NLRP2: variants seen among roughly 807,000 people sequenced by gnomAD.
NLRP2 encodes the protein NACHT, LRR and PYD domains-containing protein 2.
A neutral mutation model predicts 97.2 loss-of-function variants in NLRP2; 107 were observed. That is an observed-to-expected ratio of 1.10 (90% CI 0.94 to 1.29). The LOEUF is 1.29. NLRP2 is among the 50% of genes most tolerant of loss of function. NLRP2 has a pLI of 0.00. For synonymous variants in NLRP2, 663 were observed against 551.5 expected (o/e 1.20, Z -2.83); for missense variants, 1,495 against 1,330.3 (o/e 1.12, Z -1.93).
At chr19:54,967,073 C>T (rs1801316181) in intron 1 of NLRP2, among the ~76,000 whole-genome samples, 1 of 151,128 alleles carries the variant, frequency 6.6e-6, no homozygotes, top group Non-Finnish European at 1.5e-5. Flanking sequence ...TAATATGTTG[C>T]CGAAGCTGGT....
intron 11 of NLRP2, among the ~76,000 whole-genome samples, chr19:54,995,885 T>C (rs901594706): frequency 6.6e-6 from 1 of 151,598 alleles, no homozygotes; most frequent in Admixed American, 6.6e-5. Context: ...CTACTGAAAG[T>C]ACAAAAATCC....
In NLRP2 at chr19:54,970,144, C is replaced by G. The variant is rs1465138030; in HGVS notation, c.129C>G (p.Pro43=). 6.2e-7 allele frequency: 1 copy of G among 1,614,078 alleles called. No homozygotes were observed. Among genetic ancestry groups the G allele is most frequent in the Admixed American group, 1.7e-5 (1 of 59,978 alleles). The change falls in exon 2 of 13, where the codon CCC becomes CCG. Residue 43 remains proline, a synonymous_variant. Transcript: ENST00000448584. ...FSLAHELQKI[P]HKEVDKADGK... is the part of the protein sequence containing the mutation. ...TGGCACACGAGCTCCAGAAGATCCC[C>G]CACAAGGAGGTAGACAAGGCTGATG...
At position 54,986,178 on chromosome 19, in the gene NLRP2, TCATC is replaced by T; in HGVS notation, c.2230_2233del (p.His744GlyfsTer5). On this transcript the variant is annotated frameshift_variant, in exon 8 of 13. Coordinates refer to ENST00000448584, the MANE Select transcript of NLRP2 (RefSeq NM_017852.5). LOFTEE classifies it high-confidence loss of function. ...TCAAAAACATTTCCCCAGCTGATGC[TCATC>T]GGAACCTCTGCCTAGCTCTTCGAGG... 6.2e-7 allele frequency: 1 copy of T among 1,613,744 alleles called. No individual in the cohort carries two copies.
At chr19:54,986,969 C>G (rs1351580317) in intron 8 of NLRP2, among the ~76,000 whole-genome samples, 1 of 152,046 alleles carries the variant, frequency 6.6e-6, no homozygotes. Context: ...ACTGCAGCCT[C>G]CACCTCCCAG....
intron 8 of NLRP2, among the ~76,000 whole-genome samples, chr19:54,988,292 ATTTC>A (rs756749465): frequency 6.6e-5 from 10 of 151,926 alleles, no homozygotes; most frequent in Admixed American, 1.3e-4. Flanking sequence ...TGGGTCACTA[ATTTC>A]TTTCTTTTTT....
rs149824323 is a variant in NLRP2, at chr19:54,983,368, C to A, written c.1670C>A (p.Ser557Tyr). Residue 557 changes from serine (S) to tyrosine (Y), a missense_variant, in exon 6 of 13, where the codon TCC becomes TAC. Physicochemically the swap from Ser to Tyr is moderately radical, Grantham distance 144. Transcript: ENST00000448584. The stretch of plus-strand genomic sequence containing the variant: ...GACCTGATCCAAGCAGGCTACTACT[C>A]CTTTGGCCTCGCTAACGAGAAGAGA... Reference protein sequence around the residue: ...NPDLIQAGYYSFGLANEKRAK... With the variant: ...NPDLIQAGYYYFGLANEKRAK... 1.2e-6 allele frequency: 2 copies of A among 1,614,104 alleles called. No individual in the cohort carries two copies. The highest frequency in any genetic ancestry group is 2.2e-5 in the East Asian group (1 of 44,894).
chr19:54,982,134 C>A (rs748477058), intron 5 of NLRP2, 28 bp from the exon 6 acceptor site: 2 of 1,613,448 alleles, frequency 1.2e-6, no homozygotes, highest in African/African-American at 2.7e-5. Context: ...TGCATCCTCT[C>A]TCCCTTCCCT....
intron 1 of NLRP2, among the ~76,000 whole-genome samples, chr19:54,968,799 TCAAG>T (rs2070653095): frequency 6.8e-6 from 1 of 147,888 alleles, no homozygotes; most frequent in South Asian, 2.1e-4. Flanking sequence ...ACTCCCAGGT[TCAAG>T]CGATTCTCCT....
At chr19:54,968,497 T>C (rs2070622839) in intron 1 of NLRP2, among the ~76,000 whole-genome samples, 1 of 151,006 alleles carries the variant, frequency 6.6e-6, no homozygotes, top group Non-Finnish European at 1.5e-5. Flanking sequence ...GCACAATTTT[T>C]TTTTTTTTTG....
At chr19:54,999,445 C>T (rs1300114707) in intron 12 of NLRP2, among the ~76,000 whole-genome samples, 2 of 152,178 alleles carry the variant, frequency 1.3e-5, no homozygotes, top group African/African-American at 4.8e-5. Context: ...CCATGCCTGG[C>T]CTGCATCTCC....
At position 54,997,364 on chromosome 19, in the gene NLRP2, C is replaced by T. The variant is rs1406795048; in HGVS notation, c.2927C>T (p.Ser976Phe). 4.3e-6 allele frequency: 7 copies of T among 1,614,172 alleles called. No individual in the cohort carries two copies. The highest frequency in any genetic ancestry group is 2.2e-5 in the East Asian group (1 of 44,882). ...CCGTTCAGTTGTGAAGACCTCTGCT[C>T]TGCCCTCAGCTGCAACCAGAGCCTC... ...IPPFSCEDLC[S>F]ALSCNQSLVT... Residue 976 changes from serine (S) to phenylalanine (F), a missense_variant, in exon 12 of 13, where the codon TCT becomes TTT. Transcript: ENST00000448584.
At chr19:54,999,278 G>C (rs1000027472) in intron 12 of NLRP2, among the ~76,000 whole-genome samples, 1 of 152,212 alleles carries the variant, frequency 6.6e-6, no homozygotes, top group Non-Finnish European at 1.5e-5. Context: ...CTCCCAAGTA[G>C]CTGGGACTAC....
intron 11 of NLRP2, 114 bp from the exon 12 acceptor site, chr19:54,997,203 C>T: frequency 2.7e-6 from 3 of 1,103,692 alleles, no homozygotes; most frequent in Non-Finnish European, 4.2e-6. Context: ...CCGTGCCCGG[C>T]CTGAGACTTC....
chr19:54,979,063 C>A (rs1195430599), intron 4 of NLRP2, among the ~76,000 whole-genome samples: 1 of 151,762 alleles, frequency 6.6e-6, no homozygotes, highest in African/African-American at 2.4e-5. Flanking sequence ...TGGCTCACTG[C>A]AATCTCTGCC....
rs763411571 is a variant in NLRP2 at position 54,982,310 on chromosome 19, C to G, written c.612C>G (p.Pro204=). ...GCAACCCCAGGGTGCTTCCCGGGCCCTTCTCATACACGGTGGTGCTGTATG... is the reference window on the plus strand; with the variant it reads ...GCAACCCCAGGGTGCTTCCCGGGCCGTTCTCATACACGGTGGTGCTGTATG... ...PFSNPRVLPG[P]FSYTVVLYGP... is the part of the protein sequence containing the mutation. Residue 204 remains proline (P), a synonymous_variant, in exon 6 of 13, where the codon CCC becomes CCG. Coordinates refer to ENST00000448584, the MANE Select transcript of NLRP2 (RefSeq NM_017852.5). The G allele has an allele frequency of 1.8e-5, 29 of 1,613,988 alleles. No individual in the cohort carries two copies. In the African/African-American group the frequency reaches 3.5e-4, roughly 19 times the overall value.
At chr19:54,975,106 GTTTTTTTTTTTTTTTTTTT>G (rs558518586) in intron 3 of NLRP2, among the ~76,000 whole-genome samples, 880 of 58,696 alleles carry the variant, frequency 0.015, 23 homozygotes, top group African/African-American at 0.042. Context: ...ACCCGGTTTT[GTTTTTTTTTTTTTTTTTTT>G]TTTTTTTTTT....
intron 4 of NLRP2, among the ~76,000 whole-genome samples, chr19:54,979,867 C>T (rs757979095): frequency 1.3e-5 from 2 of 152,074 alleles, no homozygotes; most frequent in Non-Finnish European, 2.9e-5. Flanking sequence ...ACCTCTGCTA[C>T]CCAGGTTCAA....
intron 10 of NLRP2, chr19:54,991,479 G>A (rs559089120): frequency 6.6e-6 from 1 of 152,202 alleles, no homozygotes; most frequent in East Asian, 1.9e-4. Context: ...CTTGAACTTC[G>A]GAGGTGGAGG....
At chr19:54,984,329 G>GTGTGTGTTTTTTTGTTTTTT in intron 6 of NLRP2, among the ~76,000 whole-genome samples, 1 of 79,670 alleles carries the variant, frequency 1.3e-5, no homozygotes, top group African/African-American at 4.6e-5. Flanking sequence ...TTTTTTTTGT[G>GTGTGTGTTTTTTTGTTTTTT]TTTTTTTTTT....
Sources: allele counts gnomAD v4.1 joint callset (sites outside exome capture counted in the v4.1 genomes callset), GRCh38; gene constraint gnomAD v4.1.1; transcripts MANE v1.5; gene names NCBI Gene and HGNC (gene_info 2026-07-23, HGNC 2026-07-21).